Variants in BTBD18 observed in about 807,000 individuals in gnomAD.
BTBD18 encodes the protein BTB domain containing 18.
For missense variants in BTBD18, 787 were observed against 846.3 expected, an observed-to-expected ratio of 0.93 and a Z score of 0.87; for synonymous variants, 311 against 324.4, an observed-to-expected ratio of 0.96 and a Z score of 0.44.
At chr11:57,748,395 T>TAC (rs1254346365) in intron 2 of BTBD18, among the ~76,000 whole-genome samples, 1 of 152,122 alleles carries the variant, frequency 6.6e-6, no homozygotes, top group Non-Finnish European at 1.5e-5. Flanking sequence ...GTAACATGCT[T>TAC]ACAACTGCAA....
intron 2 of BTBD18, among the ~76,000 whole-genome samples, chr11:57,748,049 G>A (rs1949231035): frequency 6.6e-6 from 1 of 152,028 alleles, no homozygotes; most frequent in African/African-American, 2.4e-5. Flanking sequence ...CAATCTGTCT[G>A]CCTTGGCCTC....
chr11:57,745,898 A>C lies in BTBD18; in HGVS notation c.375T>G (p.Leu125=). The change falls in exon 3 of 3, where the codon CTT becomes CTG. Residue 125 remains leucine, a synonymous_variant. Coordinates refer to ENST00000422652, the MANE Select transcript of BTBD18 (RefSeq NM_001145101.3). ...LRVSELESLQ[L]EGGKLVKAPQ... ...GGGCCTTCACCAACTTTCCACCCTC[A>C]AGCTGAAGGGATTCCAGCTCAGACA... 1 of 1,551,628 alleles carries C rather than the reference A, an allele frequency of 6.4e-7. No individual in the cohort carries two copies. The highest frequency in any genetic ancestry group is 8.7e-7 in the Non-Finnish European group (1 of 1,146,986).
chr11:57,744,101 T>C lies in BTBD18; in HGVS notation c.*33A>G. On this transcript the variant is annotated 3_prime_UTR_variant, in exon 3 of 3. Coordinates refer to ENST00000422652, the MANE Select transcript of BTBD18 (RefSeq NM_001145101.3). ...TTTTGCTAGCTAACATTTCCCACCCTCCCAAGGCCCCTAACCTGCCCTCCC... is the reference window on the plus strand; with the variant it reads ...TTTTGCTAGCTAACATTTCCCACCCCCCCAAGGCCCCTAACCTGCCCTCCC... 3.4e-6 allele frequency: 2 copies of C among 590,244 alleles called. No individual in the cohort carries two copies. Among genetic ancestry groups the C allele is most frequent in the Non-Finnish European group, 5.8e-6 (2 of 343,564 alleles). 36.6% of individuals were successfully genotyped at this position (590,244 alleles called of 1,614,324 possible). A position where few individuals can be genotyped will look rare whatever the true frequency, so the allele number is the denominator to read the frequency against.
rs1949201750 is a variant in BTBD18 at position 57,746,750 on chromosome 11, TG to T, written c.125-603del. On this transcript the variant is annotated intron_variant, in intron 2 of 2. Transcript: ENST00000422652. ...GTTAGGTAGGCTGAAGCAGGAGAAT[TG>T]CTTGAGTCCAGGGCTTTGAGGCTAG... is the stretch of plus-strand genomic sequence containing the variant. 2.0e-5 allele frequency among the ~76,000 whole-genome samples: 3 copies of T among 148,180 alleles called. No individual in the cohort carries two copies. The South Asian group carries it at 6.3e-4, about 31-fold the overall frequency.
At position 57,751,247 on chromosome 11, in the gene BTBD18, G is replaced by C. The variant is rs1949300311; in HGVS notation, c.-48-11C>G. 2 of 1,346,254 alleles carry C rather than the reference G, an allele frequency of 1.5e-6. No individual in the cohort carries two copies. The highest frequency in any genetic ancestry group is 1.9e-6 in the Non-Finnish European group (2 of 1,028,278). 83.4% of individuals were successfully genotyped at this position (1,346,254 alleles called of 1,614,324 possible). A position where few individuals can be genotyped will look rare whatever the true frequency, so the allele number is the denominator to read the frequency against. Reference sequence around the variant, plus strand: ...TCACAGATCAGACTCCTGTAGGTGAGATAATACATTTCAGAGGCATGGTTA... The same window carrying C: ...TCACAGATCAGACTCCTGTAGGTGACATAATACATTTCAGAGGCATGGTTA... On this transcript the variant is annotated splice_polypyrimidine_tract_variant and intron_variant, in intron 1 of 2. Transcript: ENST00000422652.
Position 57,744,318 on chromosome 11 carries a change from G to A in BTBD18, c.1955C>T (p.Pro652Leu). The change falls in exon 3 of 3, where the codon CCC becomes CTC. Residue 652 changes from proline to leucine, a missense_variant. Coordinates refer to ENST00000422652, the MANE Select transcript of BTBD18 (RefSeq NM_001145101.3). ...LTTDELLYPS[P>L]KAGKEVSGHS... is the part of the protein sequence containing the mutation. ...ACCAGATACCTCCTTGCCTGCCTTG[G>A]GAGAAGGGTATAATAACTCATCTGT... is the stretch of plus-strand genomic sequence containing the variant. The A allele has an allele frequency of 6.4e-7, 1 of 1,551,648 alleles. No homozygotes were observed. Among genetic ancestry groups the A allele is most frequent in the South Asian group, 1.2e-5 (1 of 84,058 alleles).
rs1431425343 is a variant in BTBD18, at chr11:57,745,725, G to A, written c.548C>T (p.Ser183Phe). ...PCPLGAIRLK[S>F]LGKEEGPQEN... ...CTGGGGCCCCTCTTCCTTCCCCAAG[G>A]ACTTCAATCTTATTGCCCCAAGAGG... The change falls in exon 3 of 3, where the codon TCC becomes TTC. Residue 183 changes from serine to phenylalanine, a missense_variant. By Grantham distance (155) the Ser-to-Phe change is radical (BLOSUM62 -2). Coordinates refer to ENST00000422652, the MANE Select transcript of BTBD18 (RefSeq NM_001145101.3). 3 of 1,551,660 alleles carry A rather than the reference G, an allele frequency of 1.9e-6. No homozygotes were observed. The South Asian group carries it at 3.6e-5, about 18-fold the overall frequency.
Position 57,744,834 on chromosome 11 carries a change from G to A in BTBD18, c.1439C>T (p.Ala480Val). 6.4e-7 allele frequency: 1 copy of A among 1,551,746 alleles called. No individual in the cohort carries two copies. The highest frequency in any genetic ancestry group is 1.2e-5 in the South Asian group (1 of 84,060). ...DTALLEQPCEAEEYRITSAAA... is the reference protein window; with the variant it reads ...DTALLEQPCEVEEYRITSAAA... ...AGCACTTGTGATTCGGTACTCCTCAGCCTCACAGGGCTGCTCCAGCAGAGC... is the reference window on the plus strand; with the variant it reads ...AGCACTTGTGATTCGGTACTCCTCAACCTCACAGGGCTGCTCCAGCAGAGC... Residue 480 changes from alanine (A) to valine (V), a missense_variant, in exon 3 of 3, where the codon GCT (alanine) becomes GTT (valine). Ala to Val is a moderately conservative substitution (Grantham distance 64). Transcript: ENST00000422652.
chr11:57,744,193 G>C lies in BTBD18; in HGVS notation c.2080C>G (p.Pro694Ala). ...GAGGAAGGGTCAGGCCACACGGAGG[G>C]AACAGTAGTGGGTACCAGCCTCCCC... ...AEGRLVPTTVPSVWPDPSSES... is the reference protein window; with the variant it reads ...AEGRLVPTTVASVWPDPSSES... Residue 694 changes from proline (P) to alanine (A), a missense_variant, in exon 3 of 3, where the codon CCC becomes GCC. By Grantham distance (27) the Pro-to-Ala change is conservative (BLOSUM62 -1). Transcript: ENST00000422652. The C allele has an allele frequency of 3.2e-6, 5 of 1,551,602 alleles. No homozygotes were observed. The highest frequency in any genetic ancestry group is 1.2e-5 in the South Asian group (1 of 84,050).
Position 57,744,045 on chromosome 11 carries a change from G to A in BTBD18, c.*89C>T. ...AGGGTACACCTGCCTCTTGTGCTGA[G>A]GGCACGTGCCAGCTTCTCTGCCAGT... On this transcript the variant is annotated 3_prime_UTR_variant, in exon 3 of 3. Coordinates refer to ENST00000422652, the MANE Select transcript of BTBD18 (RefSeq NM_001145101.3). 1.0e-6 allele frequency: 1 copy of A among 971,418 alleles called. No individual in the cohort carries two copies. The highest frequency in any genetic ancestry group is 1.5e-6 in the Non-Finnish European group (1 of 654,954). 60.2% of individuals were successfully genotyped at this position (971,418 alleles called of 1,614,324 possible). A position where few individuals can be genotyped will look rare whatever the true frequency, so the allele number is the denominator to read the frequency against.
At chr11:57,748,564 GAA>G (rs71061539) in intron 2 of BTBD18, among the ~76,000 whole-genome samples, 3 of 145,128 alleles carry the variant, frequency 2.1e-5, no homozygotes, top group Non-Finnish European at 4.5e-5. Context: ...AGAAAAAAAA[GAA>G]AAAAAAAAAA....
intron 2 of BTBD18, among the ~76,000 whole-genome samples, chr11:57,747,702 T>A (rs1460610152): frequency 1.3e-5 from 2 of 152,122 alleles, no homozygotes; most frequent in Non-Finnish European, 2.9e-5. Context: ...TTTCACCATG[T>A]TGGCCAGGCT....
chr11:57,744,480 G>C lies in BTBD18; in HGVS notation c.1793C>G (p.Thr598Ser), dbSNP rs190995804. Residue 598 changes from threonine (T) to serine (S), a missense_variant, in exon 3 of 3, where the codon ACC becomes AGC. Thr to Ser is a moderately conservative substitution (Grantham distance 58). Coordinates refer to ENST00000422652, the MANE Select transcript of BTBD18 (RefSeq NM_001145101.3). ...CTGACCATCCAGTGGCTGGGAGCTGGTAATTTCAAGGTCTGGTGTCCAACG... is the reference window on the plus strand; with the variant it reads ...CTGACCATCCAGTGGCTGGGAGCTGCTAATTTCAAGGTCTGGTGTCCAACG... ...GGRWTPDLEITSSQPLDGQED... is the reference protein window; with the variant it reads ...GGRWTPDLEISSSQPLDGQED... 71 of 1,551,654 alleles carry C rather than the reference G, an allele frequency of 4.6e-5. No homozygotes were observed. The African/African-American group carries it at 9.4e-4, about 21-fold the overall frequency.
At chr11:57,747,866 C>T (rs1405580612) in intron 2 of BTBD18, among the ~76,000 whole-genome samples, 1 of 152,168 alleles carries the variant, frequency 6.6e-6, no homozygotes, top group African/African-American at 2.4e-5. Flanking sequence ...GTGACACAAT[C>T]ATAGCTCACT....
Position 57,745,387 on chromosome 11 carries a change from G to T in BTBD18, c.886C>A (p.Arg296Ser). ...TTTACACTCCTCTGCCGCCAAAGAC[G>T]CCGGCCAGGGGTTGCAGGCACTGAG... is the stretch of plus-strand genomic sequence containing the variant. ...SSSVPATPGR[R>S]LWRQRSVNKE... The change falls in exon 3 of 3, where the codon CGT becomes AGT. Residue 296 changes from arginine to serine, a missense_variant. Coordinates refer to ENST00000422652, the MANE Select transcript of BTBD18 (RefSeq NM_001145101.3). The T allele has an allele frequency of 6.4e-7, 1 of 1,551,678 alleles. No homozygotes were observed. Among genetic ancestry groups the T allele is most frequent in the Non-Finnish European group, 8.7e-7 (1 of 1,146,998 alleles).
intron 2 of BTBD18, among the ~76,000 whole-genome samples, chr11:57,747,655 C>T (rs1466601286): frequency 1.3e-5 from 2 of 152,140 alleles, no homozygotes; most frequent in Admixed American, 6.5e-5. Flanking sequence ...CCTGCCACCG[C>T]GCCTGGCTAA....
Position 57,744,055 on chromosome 11 carries a change from C to T in BTBD18, c.*79G>A. ...TGCCTCTTGTGCTGAGGGCACGTGC[C>T]AGCTTCTCTGCCAGTAAGCCTTTTG... is the stretch of plus-strand genomic sequence containing the variant. On this transcript the variant is annotated 3_prime_UTR_variant, in exon 3 of 3. Transcript: ENST00000422652. 1 of 1,113,442 alleles carries T rather than the reference C, an allele frequency of 9.0e-7. No homozygotes were observed. Among genetic ancestry groups the T allele is most frequent in the Middle Eastern group, 3.0e-4 (1 of 3,384 alleles). 69.0% of individuals were successfully genotyped at this position (1,113,442 alleles called of 1,614,324 possible).
Position 57,746,146 on chromosome 11 carries a change from C to G in BTBD18, c.127G>C (p.Glu43Gln), listed in dbSNP as rs1329648769. 6.5e-7 allele frequency: 1 copy of G among 1,540,290 alleles called. No individual in the cohort carries two copies. The highest frequency in any genetic ancestry group is 8.8e-7 in the Non-Finnish European group (1 of 1,141,516). ...FCDVLLQAEG[E>Q]AVPAHCCILS... is the part of the protein sequence containing the mutation. Reference sequence around the variant, plus strand: ...ATGCAGCAGTGAGCTGGAACTGCCTCACCTGAAGGGAAACCCAAATACTTT... The same window carrying G: ...ATGCAGCAGTGAGCTGGAACTGCCTGACCTGAAGGGAAACCCAAATACTTT... The change falls in exon 3 of 3, where the codon GAG becomes CAG. Residue 43 changes from glutamate (E) to glutamine (Q), a missense_variant and splice_region_variant. Physicochemically the swap from Glu to Gln is conservative, Grantham distance 29 (BLOSUM62 2). Transcript: ENST00000422652.
chr11:57,752,751 T>C (rs1049281885), upstream of BTBD18, among the ~76,000 whole-genome samples: 3 of 152,216 alleles, frequency 2.0e-5, no homozygotes, highest in Non-Finnish European at 4.4e-5. Flanking sequence ...GTCAGGAGGC[T>C]GAGCAAAGAT....
Sources: gnomAD v4.1 joint callset for allele counts (sites outside exome capture counted in the v4.1 genomes callset) on GRCh38, gnomAD v4.1.1 for gene constraint, MANE v1.5 for transcripts, NCBI Gene and HGNC (gene_info 2026-07-23, HGNC 2026-07-21) for gene names.